The following DMD variants were observed in gnomAD, a reference collection of about 807,000 sequenced individuals.
DMD encodes dystrophin.
DMD carries 63 observed loss-of-function variants against 330.1 expected under a neutral mutation model. The observed-to-expected ratio is 0.19, with a 90% CI of 0.16 to 0.24. DMD has a LOEUF of 0.24. Among genes scored for constraint, DMD ranks in the 10% least tolerant of loss-of-function variants. The pLI, the probability that DMD is intolerant of heterozygous loss-of-function variation, is 1.00. For synonymous variants in DMD, 1,223 were observed against 959.8 expected (o/e 1.27, Z -5.07); for missense variants, 3,344 against 2,684.1 (o/e 1.25, Z -5.43).
intron 7 of DMD, among the ~76,000 whole-genome samples, chrX:32,800,604 A>G: frequency 9.0e-6 from 1 of 111,248 alleles, no homozygotes; most frequent in Admixed American, 9.6e-5. Context: ...CATGTGCAGA[A>G]CGTGCAGGTT....
chrX:31,956,849 A>C (rs181508550), intron 45 of DMD, among the ~76,000 whole-genome samples: 1 of 112,656 alleles, frequency 8.9e-6, no homozygotes, highest in Non-Finnish European at 1.9e-5. Flanking sequence ...GGTTGCCCAG[A>C]ATCTGAATGC....
At chrX:32,973,160 T>C (rs1264906353) in intron 2 of DMD, among the ~76,000 whole-genome samples, 1 of 112,343 alleles carries the variant, frequency 8.9e-6, no homozygotes, top group East Asian at 2.8e-4. Flanking sequence ...TTCTAGTCAA[T>C]TTGACCTTGT....
At chrX:32,699,731 C>A (rs774608831) in intron 7 of DMD, among the ~76,000 whole-genome samples, 2 of 111,598 alleles carry the variant, frequency 1.8e-5, no homozygotes, top group Non-Finnish European at 3.8e-5. Context: ...AGTAAAGAAA[C>A]CTGATACCTT....
chrX:32,300,590 G>A (rs998386959), intron 42 of DMD, among the ~76,000 whole-genome samples: 9 of 111,666 alleles, frequency 8.1e-5, no homozygotes, highest in Non-Finnish European at 1.5e-4. Context: ...TTTATGATAC[G>A]TACATTTTGT....
chrX:31,908,178 C>G (rs1477317834), intron 47 of DMD, among the ~76,000 whole-genome samples: 1 of 111,975 alleles, frequency 8.9e-6, no homozygotes, highest in Non-Finnish European at 1.9e-5. Context: ...GGATCTAGAA[C>G]TAGAAATACC....
chrX:33,124,965 G>A lies in DMD; in HGVS notation c.31+86317C>T, dbSNP rs535011917. On this transcript the variant is annotated intron_variant, in intron 1 of 78. Coordinates refer to ENST00000357033, the MANE Select transcript of DMD (RefSeq NM_004006.3). The stretch of plus-strand genomic sequence containing the variant: ...CTTGAACCCAAGAGGCGGAGGTTGC[G>A]GTGAGCCTAAATCTCGCCATTGCAC... 2.9e-3 allele frequency among the ~76,000 whole-genome samples: 299 copies of A among 101,472 alleles called. 1 individual carries two copies. Among genetic ancestry groups the A allele is most frequent in the African/African-American group, 0.01 (276 of 27,382 alleles). The allele number at this position is 101,472 out of a possible 115,157, so 88.1% of individuals were successfully genotyped here.
intron 2 of DMD, among the ~76,000 whole-genome samples, chrX:32,914,099 C>A (rs1331668637): frequency 8.9e-6 from 1 of 111,783 alleles, no homozygotes; most frequent in Non-Finnish European, 1.9e-5. Context: ...TGACAAATTA[C>A]AATCCAAACG....
intron 49 of DMD, among the ~76,000 whole-genome samples, chrX:31,830,668 G>T (rs1025836219): frequency 1.8e-5 from 2 of 112,184 alleles, no homozygotes; most frequent in Admixed American, 9.4e-5. Flanking sequence ...TTGTGAATGG[G>T]TATTGAAGTT....
chrX:32,375,468 G>A (rs753657375), intron 34 of DMD, among the ~76,000 whole-genome samples: 1 of 111,941 alleles, frequency 8.9e-6, no homozygotes, highest in Admixed American at 9.5e-5. Context: ...GGCTAGTGGA[G>A]TTTCCAAAAG....
rs775564939 is a variant in DMD at position 33,157,661 on chromosome X, AAAAGT to A, written c.31+53616_31+53620del. ...GAATGAGAAACAGTCCCTAGCTGGT[AAAAGT>A]AAAGTAGGGCCAGGAGCGGTGGCTC... On this transcript the variant is annotated intron_variant, in intron 1 of 78. Coordinates refer to ENST00000357033, the MANE Select transcript of DMD (RefSeq NM_004006.3). Among the ~76,000 whole-genome samples the A allele has an allele frequency of 3.6e-5, 4 of 112,563 alleles. No individual in the cohort carries two copies. In the South Asian group the frequency reaches 1.5e-3, roughly 41 times the overall value.
intron 45 of DMD, among the ~76,000 whole-genome samples, chrX:31,948,081 G>C (rs775946722): frequency 2.1e-3 from 237 of 111,304 alleles, no homozygotes; most frequent in Middle Eastern, 9.2e-3. Context: ...CTACGAGTTT[G>C]ACTGTCTCAG....
chrX:31,124,592 G>T (rs2033353508), intron 78 of DMD, among the ~76,000 whole-genome samples: 1 of 111,805 alleles, frequency 8.9e-6, no homozygotes, highest in African/African-American at 3.2e-5. Context: ...TCACCTTCAG[G>T]CACAAGGTGA....
intron 60 of DMD, among the ~76,000 whole-genome samples, chrX:31,380,356 C>T (rs1435972794): frequency 9.1e-6 from 1 of 109,939 alleles, no homozygotes; most frequent in Non-Finnish European, 1.9e-5. Context: ...TCAAAGCCTC[C>T]TTCACATCTC....
At chrX:31,930,439 C>G (rs2094839199) in intron 46 of DMD, among the ~76,000 whole-genome samples, 1 of 110,937 alleles carries the variant, frequency 9.0e-6, no homozygotes. Context: ...AACTCATTCA[C>G]CACCACATAG....
intron 68 of DMD, 94 bp downstream of exon 68, chrX:31,182,644 C>A: frequency 1.1e-6 from 1 of 903,603 alleles, no homozygotes; most frequent in Non-Finnish European, 1.6e-6. Flanking sequence ...ACGGTACGAA[C>A]TAACAGCAAC....
At chrX:32,558,938 C>CTTTTTTTTTTTTTTTTTT (rs60739281) in intron 16 of DMD, among the ~76,000 whole-genome samples, 4 of 50,828 alleles carry the variant, frequency 7.9e-5, no homozygotes, top group African/African-American at 4.1e-4. Flanking sequence ...TTCAAATTTT[C>CTTTTTTTTTTTTTTTTTT]TTTTTTTTTT....
chrX:32,870,986 AAAC>A (rs1190513501), intron 2 of DMD, among the ~76,000 whole-genome samples: 13 of 47,805 alleles, frequency 2.7e-4, no homozygotes, highest in East Asian at 1.9e-3. Context: ...AAAAAAAAAA[AAAC>A]CACAAAACCC....
intron 17 of DMD, among the ~76,000 whole-genome samples, chrX:32,541,799 A>C (rs2048507110): frequency 1.5e-5 from 1 of 68,959 alleles, no homozygotes; most frequent in Non-Finnish European, 2.6e-5. Context: ...CCTTGAACCT[A>C]AACTAAAAGT....
At chrX:32,686,672 AAT>A (rs1491426453) in intron 9 of DMD, among the ~76,000 whole-genome samples, 1 of 110,625 alleles carries the variant, frequency 9.0e-6, no homozygotes, top group Non-Finnish European at 1.9e-5. Context: ...CAACACTTTG[AAT>A]ATAGTTTCAT....
Sources: allele counts gnomAD v4.1 joint callset (sites outside exome capture counted in the v4.1 genomes callset), GRCh38; gene constraint gnomAD v4.1.1; transcripts MANE v1.5; gene names NCBI Gene and HGNC (gene_info 2026-07-23, HGNC 2026-07-21).